The following ITPR2 variants were observed in gnomAD, a reference collection of about 807,000 sequenced individuals.
The protein encoded by ITPR2 is inositol 1,4,5-trisphosphate receptor type 2, also known as inositol 1,4,5-trisphosphate-gated calcium channel ITPR2.
Under a neutral mutation model 317.1 loss-of-function variants are expected in ITPR2, and 207 were observed. The observed-to-expected ratio is 0.65, with a 90% CI of 0.58 to 0.73. The LOEUF (loss-of-function observed/expected upper bound fraction) is 0.73, where lower values mean the gene tolerates loss of function less well. Ranked by LOEUF, ITPR2 falls within the 30% of genes least tolerant of loss-of-function variation. The probability of loss-of-function intolerance (pLI) is 0.00; values close to 1 mark genes in which losing one functional copy is unlikely to be tolerated. For synonymous variants in ITPR2, 1,156 were observed against 1,149.1 expected (o/e 1.01, Z -0.12); for missense variants, 2,613 against 3,284.0 (o/e 0.80, Z 4.99).
At chr12:26,758,681 A>G (rs932147090) in intron 2 of ITPR2, among the ~76,000 whole-genome samples, 6 of 152,192 alleles carry the variant, frequency 3.9e-5, no homozygotes, top group African/African-American at 1.4e-4. Flanking sequence ...TGTCTTAATA[A>G]GTGTCCATCT....
chr12:26,649,539 C>T (rs1020492017), intron 21 of ITPR2: 2 of 152,138 alleles, frequency 1.3e-5, no homozygotes, highest in Non-Finnish European at 2.9e-5. Flanking sequence ...TCTTTAATCT[C>T]CTTTAATCTG....
intron 39 of ITPR2, among the ~76,000 whole-genome samples, chr12:26,491,967 C>T (rs993442024): frequency 2.6e-5 from 4 of 152,102 alleles, no homozygotes; most frequent in Non-Finnish European, 4.4e-5. Context: ...TCAGAAGCAT[C>T]CAAACACAGT....
At chr12:26,780,881 A>G (rs1313978944) in intron 2 of ITPR2, among the ~76,000 whole-genome samples, 1 of 152,214 alleles carries the variant, frequency 6.6e-6, no homozygotes, top group Non-Finnish European at 1.5e-5. Context: ...GCACAATTAC[A>G]TTAAACTGGA....
At chr12:26,556,617 C>T (rs923604750) in intron 35 of ITPR2, among the ~76,000 whole-genome samples, 4 of 144,406 alleles carry the variant, frequency 2.8e-5, no homozygotes, top group East Asian at 4.0e-4. Flanking sequence ...AGATAAGGGA[C>T]GGACAGGTAG....
chr12:26,479,813 C>T (rs1239206152), intron 43 of ITPR2, among the ~76,000 whole-genome samples: 2 of 152,124 alleles, frequency 1.3e-5, no homozygotes, highest in Non-Finnish European at 2.9e-5. Context: ...GTGGCATGCA[C>T]CTGTAATCCC....
intron 2 of ITPR2, among the ~76,000 whole-genome samples, chr12:26,769,293 A>G (rs886930764): frequency 6.6e-6 from 1 of 152,164 alleles, no homozygotes; most frequent in Non-Finnish European, 1.5e-5. Flanking sequence ...CATTTGTAAA[A>G]CAAACATTGC....
intron 55 of ITPR2, among the ~76,000 whole-genome samples, chr12:26,362,086 C>G (rs1938848181): frequency 6.6e-6 from 1 of 152,218 alleles, no homozygotes; most frequent in Non-Finnish European, 1.5e-5. Context: ...ATATGCCCAG[C>G]TTGCAAGTGG....
intron 2 of ITPR2, among the ~76,000 whole-genome samples, chr12:26,779,131 A>G (rs1421133744): frequency 2.0e-5 from 3 of 152,194 alleles, no homozygotes; most frequent in Non-Finnish European, 4.4e-5. Context: ...AACAGATCCA[A>G]TGATGCCTGG....
Position 26,628,128 on chromosome 12 carries a change from G to A in ITPR2, c.2969C>T (p.Ser990Leu), listed in dbSNP as rs779244753. The A allele has an allele frequency of 6.2e-7, 1 of 1,604,270 alleles. No individual in the cohort carries two copies. The highest frequency in any genetic ancestry group is 8.5e-7 in the Non-Finnish European group (1 of 1,171,752). The change falls in exon 23 of 57, where the codon TCA (serine) becomes TTA (leucine). Residue 990 changes from serine to leucine, a missense_variant. Ser to Leu is a moderately radical substitution (Grantham distance 145, BLOSUM62 -2). Around this residue, in one of 9 missense-constraint regions of ITPR2, gnomAD observed 817 missense variants for 897.6 expected, o/e 0.91. Transcript: ENST00000381340. ...ILSVRLDYRISYMLSIYKKEF... is the reference protein window; with the variant it reads ...ILSVRLDYRILYMLSIYKKEF... ...CTTCTTATATATTGACAGCATATAT[G>A]AGATCCTATAATCCAGTCTGACACT...
chr12:26,547,526 T>A (rs376215766), intron 37 of ITPR2, among the ~76,000 whole-genome samples: 1 of 152,232 alleles, frequency 6.6e-6, no homozygotes, highest in African/African-American at 2.4e-5. Flanking sequence ...AGAATTATCA[T>A]TGGATTCAGC....
At chr12:26,630,446 G>GT (rs1203584372) in intron 22 of ITPR2, among the ~76,000 whole-genome samples, 31 of 141,724 alleles carry the variant, frequency 2.2e-4, no homozygotes, top group African/African-American at 7.3e-4. Flanking sequence ...TGATGGGGGG[G>GT]AAAAAAAAAA....
chr12:26,635,570 A>T lies in ITPR2; in HGVS notation c.2741-3511T>A, dbSNP rs540871880. Among the ~76,000 whole-genome samples the T allele has an allele frequency of 1.5e-3, 222 of 152,372 alleles. 3 individuals are homozygous for T. Among genetic ancestry groups the T allele is most frequent in the African/African-American group, 5.1e-3 (213 of 41,598 alleles). Reference sequence around the variant, plus strand: ...AATCAGCTCAATGTTTTATCATAATAGAGGCCAAAAATGGATAATCCAAAA... The same window carrying T: ...AATCAGCTCAATGTTTTATCATAATTGAGGCCAAAAATGGATAATCCAAAA... On this transcript the variant is annotated intron_variant, in intron 21 of 56. Coordinates refer to ENST00000381340, the MANE Select transcript of ITPR2 (RefSeq NM_002223.4).
At chr12:26,811,842 A>G (rs1950756276) in intron 1 of ITPR2, among the ~76,000 whole-genome samples, 1 of 143,222 alleles carries the variant, frequency 7.0e-6, no homozygotes, top group Non-Finnish European at 1.5e-5. Context: ...CGACACAGCA[A>G]GACTCCGTCT....
intron 55 of ITPR2, among the ~76,000 whole-genome samples, chr12:26,381,991 G>A (rs1279203747): frequency 6.6e-6 from 1 of 152,106 alleles, no homozygotes; most frequent in African/African-American, 2.4e-5. Context: ...AAAGTCTTGG[G>A]TATTTTTTCT....
chr12:26,817,064 C>G (rs1004623152), intron 1 of ITPR2, among the ~76,000 whole-genome samples: 1 of 151,100 alleles, frequency 6.6e-6, no homozygotes, highest in Non-Finnish European at 1.5e-5. Flanking sequence ...ACCTGTAGTC[C>G]CAGCTACTGG....
intron 21 of ITPR2, among the ~76,000 whole-genome samples, chr12:26,637,360 C>T (rs1392750535): frequency 6.6e-6 from 1 of 152,016 alleles, no homozygotes; most frequent in African/African-American, 2.4e-5. Flanking sequence ...GGACAGCACA[C>T]AAAATTGCTT....
intron 23 of ITPR2, chr12:26,627,402 G>A (rs1946645177): frequency 6.6e-6 from 1 of 152,152 alleles, no homozygotes; most frequent in Non-Finnish European, 1.5e-5. Context: ...CTACTTTCAG[G>A]ACCTTTGGCA....
intron 26 of ITPR2, among the ~76,000 whole-genome samples, chr12:26,617,114 C>T (rs992938781): frequency 1.3e-5 from 2 of 152,010 alleles, no homozygotes; most frequent in African/African-American, 2.4e-5. Flanking sequence ...TTCAACTGTG[C>T]GGGAGGGTAG....
intron 15 of ITPR2, among the ~76,000 whole-genome samples, chr12:26,660,058 G>A (rs560832586): frequency 7.9e-4 from 121 of 152,326 alleles, no homozygotes; most frequent in Non-Finnish European, 1.3e-3. Context: ...AGAGAACGAG[G>A]CAGCCATTGG....
Sources: gnomAD v4.1 joint callset for allele counts (sites outside exome capture counted in the v4.1 genomes callset) on GRCh38, gnomAD v4.1.1 for gene constraint, gnomAD v4.1.1 regional missense constraint, MANE v1.5 for transcripts, NCBI Gene and HGNC (gene_info 2026-07-23, HGNC 2026-07-21) for gene names.